The following DCC variants were observed in gnomAD, a reference collection of about 807,000 sequenced individuals.
The protein encoded by DCC is DCC netrin 1 receptor.
In DCC, 58 loss-of-function variants were observed where a neutral mutation model predicts 172.5. The observed-to-expected ratio is 0.34, with a 90% CI of 0.27 to 0.42. The LOEUF (loss-of-function observed/expected upper bound fraction) is 0.42, where lower values mean the gene tolerates loss of function less well. DCC is among the 10% of genes least tolerant of loss of function. The pLI is 1.00. For synonymous variants in DCC, 709 were observed against 644.5 expected (o/e 1.10, Z -1.52); for missense variants, 1,740 against 1,791.0 (o/e 0.97, Z 0.51).
At chr18:52,959,637 T>A (rs2040808737) in intron 5 of DCC, among the ~76,000 whole-genome samples, 1 of 151,928 alleles carries the variant, frequency 6.6e-6, no homozygotes, top group African/African-American at 2.4e-5. Context: ...GAAAATAAAA[T>A]TTTGTCTATA....
rs116895949 is a variant in DCC at position 53,231,961 on chromosome 18, A to G, written c.1911+16364A>G. Among the ~76,000 whole-genome samples, 1,152 of 152,200 alleles carry G rather than the reference A, an allele frequency of 7.6e-3. 7 individuals are homozygous for G. Among genetic ancestry groups the G allele is most frequent in the Admixed American group, 0.024 (362 of 15,272 alleles). ...GTCCTTTTACGTCATCTTCAAGCTC[A>G]TGCTTGAACTTTTCTAATGACAGGG... On this transcript the variant is annotated intron_variant, in intron 12 of 28. Coordinates refer to ENST00000442544, the MANE Select transcript of DCC (RefSeq NM_005215.4).
At chr18:52,642,085 C>CACACACACAT (rs1555707997) in intron 1 of DCC, among the ~76,000 whole-genome samples, 22 of 124,726 alleles carry the variant, frequency 1.8e-4, no homozygotes, top group African/African-American at 6.5e-4. Context: ...TATATACACA[C>CACACACACAT]ACACACACAC....
At chr18:52,453,421 C>G (rs1988365805) in intron 1 of DCC, among the ~76,000 whole-genome samples, 1 of 152,170 alleles carries the variant, frequency 6.6e-6, no homozygotes, top group Admixed American at 6.5e-5. Context: ...AATCATCACG[C>G]AGGTTGCCCC....
intron 18 of DCC, among the ~76,000 whole-genome samples, chr18:53,398,599 A>C (rs1239626707): frequency 6.6e-6 from 1 of 152,110 alleles, no homozygotes; most frequent in Non-Finnish European, 1.5e-5. Flanking sequence ...AATAGTAAGA[A>C]ATTTGGCCTT....
intron 1 of DCC, among the ~76,000 whole-genome samples, chr18:52,557,889 G>A (rs960451944): frequency 2.0e-5 from 3 of 152,136 alleles, no homozygotes; most frequent in Non-Finnish European, 4.4e-5. Context: ...CGAACTCCTG[G>A]CCTCAAGTGA....
At chr18:53,112,442 G>A (rs1039020098) in intron 7 of DCC, among the ~76,000 whole-genome samples, 4 of 151,538 alleles carry the variant, frequency 2.6e-5, no homozygotes, top group South Asian at 2.1e-4. Context: ...GAAGAAACTC[G>A]CCACTCACTC....
At chr18:53,012,847 T>C (rs1290692219) in intron 5 of DCC, among the ~76,000 whole-genome samples, 1 of 151,932 alleles carries the variant, frequency 6.6e-6, no homozygotes, top group East Asian at 1.9e-4. Flanking sequence ...AGGTCTAATA[T>C]CCAGCATCTA....
At chr18:53,189,605 T>C (rs1304473335) in intron 9 of DCC, among the ~76,000 whole-genome samples, 1 of 152,182 alleles carries the variant, frequency 6.6e-6, no homozygotes, top group Non-Finnish European at 1.5e-5. Flanking sequence ...AGTAGAAATG[T>C]TGGTATTAAC....
Position 53,305,607 on chromosome 18 carries a change from A to G in DCC, c.1941A>G (p.Pro647=), listed in dbSNP as rs769056849. The change falls in exon 13 of 29, where the codon CCA becomes CCG. Residue 647 remains proline (P), a synonymous_variant. Coordinates refer to ENST00000442544, the MANE Select transcript of DCC (RefSeq NM_005215.4). ...RSIKVSWLPP[P]SGTQNGFITG... is the part of the protein sequence containing the mutation. ...TCAAAGTTAGCTGGCTGCCTCCTCC[A>G]TCAGGAACACAAAATGGATTTATTA... 1.9e-5 allele frequency: 30 copies of G among 1,613,238 alleles called. No homozygotes were observed. In the South Asian group the frequency reaches 2.9e-4, roughly 15 times the overall value.
intron 11 of DCC, among the ~76,000 whole-genome samples, chr18:53,212,423 GTATC>G (rs144001009): frequency 0.13 from 20,447 of 151,956 alleles, 2,205 homozygotes; most frequent in African/African-American, 0.3. Flanking sequence ...AGCATCTATT[GTATC>G]TATCTATCTC....
intron 25 of DCC, among the ~76,000 whole-genome samples, chr18:53,482,748 T>C (rs947328986): frequency 6.6e-6 from 1 of 152,014 alleles, no homozygotes; most frequent in Non-Finnish European, 1.5e-5. Context: ...ATACTGGGAA[T>C]GTTTTGCAAT....
chr18:52,921,371 T>C (rs1463214828), intron 3 of DCC, among the ~76,000 whole-genome samples: 1 of 103,378 alleles, frequency 9.7e-6, no homozygotes, highest in Non-Finnish European at 2.0e-5. Context: ...CCATTTTGTG[T>C]TGCATGATTT....
At chr18:52,490,889 G>A (rs946262452) in intron 1 of DCC, among the ~76,000 whole-genome samples, 2 of 152,034 alleles carry the variant, frequency 1.3e-5, no homozygotes, top group Admixed American at 6.6e-5. Flanking sequence ...GTTAAAATAA[G>A]GAGTTGTGCT....
chr18:53,317,946 AT>A (rs1184968069), intron 13 of DCC, among the ~76,000 whole-genome samples: 8 of 151,734 alleles, frequency 5.3e-5, no homozygotes, highest in Non-Finnish European at 7.4e-5. Context: ...GGATTCATTG[AT>A]TTTTTTGAAG....
intron 20 of DCC, among the ~76,000 whole-genome samples, chr18:53,411,284 T>A (rs1909974449): frequency 6.6e-6 from 1 of 152,032 alleles, no homozygotes; most frequent in African/African-American, 2.4e-5. Flanking sequence ...GTTTGAAGAG[T>A]CATTTAACAA....
intron 9 of DCC, among the ~76,000 whole-genome samples, chr18:53,187,129 CTT>C (rs56196908): frequency 2.8e-5 from 4 of 144,532 alleles, no homozygotes; most frequent in Non-Finnish European, 3.0e-5. Flanking sequence ...TTTTTTTTTT[CTT>C]TTTTTTTTTG....
chr18:53,230,384 A>G (rs926812138), intron 12 of DCC, among the ~76,000 whole-genome samples: 1 of 152,114 alleles, frequency 6.6e-6, no homozygotes, highest in Non-Finnish European at 1.5e-5. Flanking sequence ...CAAAAATGAA[A>G]TGATCAGAAT....
At chr18:52,591,787 C>CT (rs370150482) in intron 1 of DCC, among the ~76,000 whole-genome samples, 30,578 of 125,018 alleles carry the variant, frequency 0.24, 4,122 homozygotes, top group South Asian at 0.35. Flanking sequence ...TTATTTATTT[C>CT]TTTTTTTTTT....
At chr18:52,687,124 T>C (rs1228605996) in intron 1 of DCC, among the ~76,000 whole-genome samples, 2 of 152,098 alleles carry the variant, frequency 1.3e-5, no homozygotes, top group Non-Finnish European at 2.9e-5. Context: ...TTTAAATGAA[T>C]ATACTGCTCA....
Sources: gnomAD v4.1 joint callset for allele counts (sites outside exome capture counted in the v4.1 genomes callset) on GRCh38, gnomAD v4.1.1 for gene constraint, MANE v1.5 for transcripts, NCBI Gene and HGNC (gene_info 2026-07-23, HGNC 2026-07-21) for gene names.